The following EXTL3 variants were observed in gnomAD, a reference collection of about 807,000 sequenced individuals.
The protein encoded by EXTL3 is exostosin like glycosyltransferase 3, also known as exostosin-like 3.
Under a neutral mutation model 69.3 loss-of-function variants are expected in EXTL3, and 27 were observed. The observed-to-expected ratio is 0.39, with a 90% CI of 0.29 to 0.54. The LOEUF (loss-of-function observed/expected upper bound fraction) is 0.54. Among genes scored for constraint, EXTL3 ranks in the 20% least tolerant of loss-of-function variants. EXTL3 has a pLI of 0.69. For synonymous variants in EXTL3, 511 were observed against 499.4 expected, an observed-to-expected ratio of 1.02 and a Z score of -0.31; for missense variants, 1,003 against 1,231.8, an observed-to-expected ratio of 0.81 and a Z score of 2.78.
At chr8:28,667,220 G>A (rs1807210834) in intron 1 of EXTL3, among the ~76,000 whole-genome samples, 1 of 152,218 alleles carries the variant, frequency 6.6e-6, no homozygotes. Flanking sequence ...TATAACAGTG[G>A]CAGCTGGGGA....
intron 4 of EXTL3, among the ~76,000 whole-genome samples, chr8:28,735,104 T>TA (rs1801617854): frequency 7.8e-6 from 1 of 128,826 alleles, no homozygotes; most frequent in Non-Finnish European, 1.6e-5. Flanking sequence ...GTATTTTTTT[T>TA]ACACGATAAT....
intron 1 of EXTL3, among the ~76,000 whole-genome samples, chr8:28,643,608 T>C (rs571713875): frequency 8.0e-4 from 121 of 151,496 alleles, no homozygotes; most frequent in African/African-American, 2.8e-3. Context: ...TTAGTAGAGA[T>C]GGGGTTTCAC....
chr8:28,745,083 A>T (rs1345002758), intron 6 of EXTL3, among the ~76,000 whole-genome samples: 1 of 152,158 alleles, frequency 6.6e-6, no homozygotes, highest in African/African-American at 2.4e-5. Context: ...TGGTAGTCTC[A>T]GCTACTCAGG....
At chr8:28,608,930 C>T (rs1004719030) in intron 2 of EXTL3, among the ~76,000 whole-genome samples, 1 of 152,032 alleles carries the variant, frequency 6.6e-6, no homozygotes, top group Non-Finnish European at 1.5e-5. Flanking sequence ...AGAAAATTAT[C>T]AAACAGCAAT....
Position 28,729,963 on chromosome 8 carries a change from G to T in EXTL3, c.2149-1260G>T, listed in dbSNP as rs139525295. Among the ~76,000 whole-genome samples, 34 of 152,072 alleles carry T rather than the reference G, an allele frequency of 2.2e-4. 2 individuals are homozygous for T. In the East Asian group the frequency reaches 5.0e-3, roughly 22 times the overall value. On this transcript the variant is annotated intron_variant, in intron 3 of 6. Coordinates refer to ENST00000220562, the MANE Select transcript of EXTL3 (RefSeq NM_001440.4). ...AGTGACAGACGCTATAGTCTCCAAAGCCCTTCTAGCTCTGAATTAATTGGA... is the reference window on the plus strand; with the variant it reads ...AGTGACAGACGCTATAGTCTCCAAATCCCTTCTAGCTCTGAATTAATTGGA...
intron 1 of EXTL3, chr8:28,696,336 C>T (rs1051867309): frequency 1.3e-5 from 2 of 152,262 alleles, no homozygotes; most frequent in African/African-American, 2.4e-5. Context: ...ACAGCATTAT[C>T]ACTGCCCAGA....
chr8:28,746,194 G>A lies in EXTL3; in HGVS notation c.2550+2980G>A, dbSNP rs375659173. Among the ~76,000 whole-genome samples, 26 of 152,204 alleles carry A rather than the reference G, an allele frequency of 1.7e-4. No homozygotes were observed. The East Asian group carries it at 2.1e-3, about 12-fold the overall frequency. On this transcript the variant is annotated intron_variant, in intron 6 of 6. Coordinates refer to ENST00000220562, the MANE Select transcript of EXTL3 (RefSeq NM_001440.4). Reference sequence around the variant, plus strand: ...TGAGTTAGGGAGGTTTGACTGCTTCGTATGATTGGCAGTGTTCTTTCAATA... The same window carrying A: ...TGAGTTAGGGAGGTTTGACTGCTTCATATGATTGGCAGTGTTCTTTCAATA...
At chr8:28,681,851 C>T (rs781044742) in intron 1 of EXTL3, among the ~76,000 whole-genome samples, 7 of 152,230 alleles carry the variant, frequency 4.6e-5, no homozygotes, top group Admixed American at 2.0e-4. Context: ...GTTGGGAATT[C>T]GAGACCAGCC....
chr8:28,728,906 A>T (rs1053221760), intron 3 of EXTL3, among the ~76,000 whole-genome samples: 14 of 152,112 alleles, frequency 9.2e-5, no homozygotes, highest in African/African-American at 3.4e-4. Context: ...AAGAAAAAAA[A>T]ATTTAAGTTC....
At chr8:28,683,024 T>A (rs558241848) in intron 1 of EXTL3, among the ~76,000 whole-genome samples, 1 of 152,352 alleles carries the variant, frequency 6.6e-6, no homozygotes, top group Admixed American at 6.5e-5. Context: ...ACTCTCTTTT[T>A]CCCGTTGTAT....
chr8:28,616,936 G>A (rs1306961254), intron 2 of EXTL3, among the ~76,000 whole-genome samples: 2 of 152,100 alleles, frequency 1.3e-5, no homozygotes, highest in Non-Finnish European at 2.9e-5. Flanking sequence ...TCCTTCTTAC[G>A]GTCACGTCTT....
At chr8:28,706,759 T>C (rs1440052043) in intron 1 of EXTL3, among the ~76,000 whole-genome samples, 1 of 152,244 alleles carries the variant, frequency 6.6e-6, no homozygotes, top group Non-Finnish European at 1.5e-5. Context: ...TTCTTATTTA[T>C]GTCCGTTGAC....
At chr8:28,664,674 T>C (rs1807166831) in intron 1 of EXTL3, among the ~76,000 whole-genome samples, 1 of 152,186 alleles carries the variant, frequency 6.6e-6, no homozygotes, top group Non-Finnish European at 1.5e-5. Flanking sequence ...TTTGAAGATA[T>C]TGTTCCATTG....
At chr8:28,659,009 TGAGTAACTTA>T (rs1242550238) in intron 1 of EXTL3, among the ~76,000 whole-genome samples, 1 of 152,248 alleles carries the variant, frequency 6.6e-6, no homozygotes, top group African/African-American at 2.4e-5. Context: ...AATGCTACAG[TGAGTAACTTA>T]GAGTATATGT....
chr8:28,702,145 A>G (rs1194797356), intron 1 of EXTL3, among the ~76,000 whole-genome samples: 1 of 150,656 alleles, frequency 6.6e-6, no homozygotes, highest in Non-Finnish European at 1.5e-5. Flanking sequence ...CTTCCCGAGC[A>G]CACCTTCCCA....
At chr8:28,689,564 T>C (rs189972260) in intron 1 of EXTL3, among the ~76,000 whole-genome samples, 1 of 152,366 alleles carries the variant, frequency 6.6e-6, no homozygotes, top group Admixed American at 6.5e-5. Context: ...CCCTAAGAAC[T>C]CTAGCATCTA....
At chr8:28,628,585 A>T (rs1339749563) in intron 1 of EXTL3, among the ~76,000 whole-genome samples, 2 of 152,188 alleles carry the variant, frequency 1.3e-5, no homozygotes, top group Non-Finnish European at 2.9e-5. Context: ...TTTACCACAC[A>T]CATAAAAAGT....
rs1801133756 is a variant in EXTL3 at position 28,715,979 on chromosome 8, C to T, written c.-81C>T. On this transcript the variant is annotated 5_prime_UTR_variant, in exon 3 of 7. An upstream open reading frame in the 5' UTR gains an earlier in-frame stop. Transcript: ENST00000220562. ...CTCTTCTGGAAACGTGTCAGTGAAA[C>T]AGAGATCGTTTTGTGGAATAGCAAC... The T allele has an allele frequency of 1.7e-6, 2 of 1,167,618 alleles. No individual in the cohort carries two copies. The highest frequency in any genetic ancestry group is 2.5e-6 in the Non-Finnish European group (2 of 808,914). 72.3% of individuals were successfully genotyped at this position (1,167,618 alleles called of 1,614,324 possible).
upstream of EXTL3, chr8:28,697,842 A>G (rs1348544665): frequency 6.6e-6 from 1 of 151,996 alleles, no homozygotes; most frequent in Non-Finnish European, 1.5e-5. Flanking sequence ...AAAAGAAAAA[A>G]AAAAAAAAAC....
Sources: allele counts gnomAD v4.1 joint callset (sites outside exome capture counted in the v4.1 genomes callset), GRCh38; gene constraint gnomAD v4.1.1; transcripts MANE v1.5; gene names NCBI Gene and HGNC (gene_info 2026-07-23, HGNC 2026-07-21).